The following ATP8A1 variants were observed in gnomAD, a reference collection of about 807,000 sequenced individuals.
The protein encoded by ATP8A1 is phospholipid-transporting ATPase IA.
Under a neutral mutation model 177.7 loss-of-function variants are expected in ATP8A1, and 90 were observed. That is an observed-to-expected ratio of 0.51 (90% CI 0.43 to 0.60). The LOEUF is 0.60. Ranked by LOEUF, ATP8A1 falls within the 20% of genes least tolerant of loss-of-function variation. The pLI, the probability that ATP8A1 is intolerant of heterozygous loss-of-function variation, is 0.00. For missense variants in ATP8A1, 1,072 were observed against 1,392.8 expected, an observed-to-expected ratio of 0.77 and a Z score of 3.67; for synonymous variants, 493 against 485.9, an observed-to-expected ratio of 1.01 and a Z score of -0.19.
At chr4:42,432,675 C>A (rs1345100322) in intron 33 of ATP8A1, among the ~76,000 whole-genome samples, 2 of 152,152 alleles carry the variant, frequency 1.3e-5, no homozygotes, top group East Asian at 3.9e-4. Flanking sequence ...GTACTTTAAC[C>A]AGAGACAAAT....
intron 25 of ATP8A1, among the ~76,000 whole-genome samples, chr4:42,465,684 T>C (rs910338626): frequency 4.6e-5 from 7 of 152,164 alleles, no homozygotes; most frequent in Non-Finnish European, 8.8e-5. Context: ...AAATCATATC[T>C]GGTATTAGAT....
chr4:42,618,960 G>T (rs1021971905), intron 4 of ATP8A1, among the ~76,000 whole-genome samples: 1 of 152,070 alleles, frequency 6.6e-6, no homozygotes, highest in African/African-American at 2.4e-5. Flanking sequence ...TGATAATACA[G>T]TTAACATTTA....
chr4:42,490,024 A>C (rs983024386), intron 24 of ATP8A1, among the ~76,000 whole-genome samples: 3 of 152,186 alleles, frequency 2.0e-5, no homozygotes, highest in African/African-American at 7.2e-5. Flanking sequence ...AGGTAAAGGC[A>C]ATCTGGGGAG....
At chr4:42,431,240 A>G (rs1370872708) in intron 33 of ATP8A1, among the ~76,000 whole-genome samples, 2 of 152,222 alleles carry the variant, frequency 1.3e-5, no homozygotes, top group African/African-American at 4.8e-5. Context: ...CACTCAAAAT[A>G]GTATAATAAT....
At chr4:42,532,996 T>C (rs1358374961) in intron 20 of ATP8A1, among the ~76,000 whole-genome samples, 3 of 152,210 alleles carry the variant, frequency 2.0e-5, no homozygotes, top group Non-Finnish European at 4.4e-5. Flanking sequence ...CTGACTCCTT[T>C]TTTGGACTCA....
At chr4:42,446,441 G>T in intron 31 of ATP8A1, 142 bp downstream of exon 31, 1 of 661,812 alleles carries the variant, frequency 1.5e-6, no homozygotes, top group Non-Finnish European at 2.5e-6. Flanking sequence ...ATAAGCCCTG[G>T]GTCTTACTTA....
chr4:42,620,884 T>C (rs1270338938), intron 4 of ATP8A1, among the ~76,000 whole-genome samples: 1 of 152,232 alleles, frequency 6.6e-6, no homozygotes, highest in Admixed American at 6.5e-5. Flanking sequence ...ATGACCTCTC[T>C]AAGCCTCAGC....
chr4:42,534,720 A>G (rs1165220106), intron 20 of ATP8A1, among the ~76,000 whole-genome samples: 1 of 152,318 alleles, frequency 6.6e-6, no homozygotes, highest in African/African-American at 2.4e-5. Context: ...CAGGTTATCT[A>G]AAGTCAAGAT....
chr4:42,469,969 C>T (rs542780645), intron 25 of ATP8A1, among the ~76,000 whole-genome samples: 15 of 152,330 alleles, frequency 9.8e-5, no homozygotes, highest in African/African-American at 2.9e-4. Flanking sequence ...AGTGACTCAA[C>T]GTATAATTCT....
At chr4:42,586,919 C>T (rs1479426502) in intron 8 of ATP8A1, among the ~76,000 whole-genome samples, 2 of 152,150 alleles carry the variant, frequency 1.3e-5, no homozygotes, top group Non-Finnish European at 2.9e-5. Flanking sequence ...AACAGGTTTT[C>T]CCTCTGGCCA....
intron 31 of ATP8A1, among the ~76,000 whole-genome samples, chr4:42,444,962 G>A (rs1028650326): frequency 2.0e-5 from 3 of 152,078 alleles, no homozygotes; most frequent in Non-Finnish European, 4.4e-5. Context: ...GCACATGCCT[G>A]GGTTAATTTG....
chr4:42,605,067 T>C (rs1372661930), intron 5 of ATP8A1, among the ~76,000 whole-genome samples: 1 of 152,186 alleles, frequency 6.6e-6, no homozygotes, highest in South Asian at 2.1e-4. Flanking sequence ...TTTGGATTAA[T>C]GAAAATGTTC....
At chr4:42,614,117 A>T (rs937658300) in intron 5 of ATP8A1, among the ~76,000 whole-genome samples, 1 of 152,352 alleles carries the variant, frequency 6.6e-6, no homozygotes, top group Non-Finnish European at 1.5e-5. Context: ...GGGACTCATG[A>T]ACCAAGATGG....
At chr4:42,471,685 G>C (rs1276326417) in intron 25 of ATP8A1, 2 of 268,152 alleles carry the variant, frequency 7.5e-6, no homozygotes, top group East Asian at 1.7e-4. Context: ...CTACAATATT[G>C]CTGTTCATTT....
intron 6 of ATP8A1, among the ~76,000 whole-genome samples, chr4:42,591,968 CCTGA>C (rs1016298618): frequency 7.9e-5 from 12 of 152,068 alleles, no homozygotes; most frequent in African/African-American, 2.9e-4. Flanking sequence ...GTATTCCAAC[CCTGA>C]CTTAGTCATT....
chr4:42,606,143 A>G (rs1007731705), intron 5 of ATP8A1, among the ~76,000 whole-genome samples: 10 of 152,256 alleles, frequency 6.6e-5, no homozygotes, highest in African/African-American at 2.4e-4. Flanking sequence ...AAAATACTCC[A>G]TGGCACAGAT....
intron 19 of ATP8A1, among the ~76,000 whole-genome samples, chr4:42,544,887 C>CA (rs1335368849): frequency 2.0e-5 from 3 of 152,176 alleles, no homozygotes; most frequent in African/African-American, 7.2e-5. Context: ...CCCGGCCTGG[C>CA]ACGGTGGCTC....
At chr4:42,456,602 C>A (rs191817592) in intron 27 of ATP8A1, among the ~76,000 whole-genome samples, 56 of 152,176 alleles carry the variant, frequency 3.7e-4, no homozygotes, top group African/African-American at 1.2e-3. Context: ...AATTAGTAAA[C>A]AATAGTACCT....
intron 16 of ATP8A1, 73 bp downstream of exon 16, chr4:42,555,895 T>C (rs187331495): frequency 3.4e-5 from 33 of 972,406 alleles, no homozygotes; most frequent in Admixed American, 1.2e-4. Flanking sequence ...CATGTAAACA[T>C]AGAAGATAGT....
Sources: gnomAD v4.1 joint callset for allele counts (sites outside exome capture counted in the v4.1 genomes callset) on GRCh38, gnomAD v4.1.1 for gene constraint, MANE v1.5 for transcripts, NCBI Gene and HGNC (gene_info 2026-07-23, HGNC 2026-07-21) for gene names.